The following DPP6 variants were observed in gnomAD, a reference collection of about 807,000 sequenced individuals.
The protein encoded by DPP6 is dipeptidyl peptidase like 6, also known as A-type potassium channel modulatory protein DPP6.
Under a neutral mutation model 122.6 loss-of-function variants are expected in DPP6, and 69 were observed. The ratio of observed to expected loss-of-function variants is 0.56; its 90% confidence interval spans 0.46 to 0.69. DPP6 has a LOEUF of 0.69. DPP6 is among the 30% of genes least tolerant of loss of function. The pLI is 0.00. For missense variants in DPP6, 928 were observed against 1,116.9 expected (o/e 0.83, Z 2.41); for synonymous variants, 418 against 433.1 (o/e 0.97, Z 0.43).
At chr7:154,454,572 A>T (rs1329692778) in intron 2 of DPP6, among the ~76,000 whole-genome samples, 1 of 152,120 alleles carries the variant, frequency 6.6e-6, no homozygotes, top group Non-Finnish European at 1.5e-5. Context: ...GGGACAGAGG[A>T]CAGTCTGGCC....
At chr7:154,773,736 AT>A (rs993966420) in intron 10 of DPP6, among the ~76,000 whole-genome samples, 1 of 152,088 alleles carries the variant, frequency 6.6e-6, no homozygotes, top group Non-Finnish European at 1.5e-5. Flanking sequence ...CCCAACCCAT[AT>A]TTTGCTATAC....
chr7:154,408,101 A>G (rs1019180195), intron 1 of DPP6, among the ~76,000 whole-genome samples: 1 of 152,212 alleles, frequency 6.6e-6, no homozygotes, highest in Admixed American at 6.5e-5. Flanking sequence ...TAGGAAATTC[A>G]AATGTGGGAA....
chr7:154,226,494 C>T (rs1800611388), intron 1 of DPP6, among the ~76,000 whole-genome samples: 1 of 152,170 alleles, frequency 6.6e-6, no homozygotes. Context: ...CTCCAAGACA[C>T]AGGGATTCTT....
At chr7:154,508,907 A>G (rs927023921) in intron 3 of DPP6, among the ~76,000 whole-genome samples, 2 of 152,190 alleles carry the variant, frequency 1.3e-5, no homozygotes, top group African/African-American at 2.4e-5. Flanking sequence ...TTTACAAATA[A>G]TTCTGGACAA....
At position 154,486,314 on chromosome 7, in the gene DPP6, A is replaced by G. The variant is rs1488943906; in HGVS notation, c.457+11277A>G. 5.4e-4 allele frequency among the ~76,000 whole-genome samples: 82 copies of G among 151,954 alleles called. 1 individual carries two copies. Among genetic ancestry groups the G allele is most frequent in the Admixed American group, 5.4e-3 (82 of 15,248 alleles). On this transcript the variant is annotated intron_variant, in intron 3 of 25. Coordinates refer to ENST00000377770, the MANE Select transcript of DPP6 (RefSeq NM_130797.4). The surrounding 1 kb of genome is among the most constrained non-coding windows in gnomAD (Gnocchi z 4.5). ...ACGCCCAGCTAATTTTTGTATTTTT[A>G]GAAGAGACAGGGTTGCACCATGTTG...
the DPP6 span, among the ~76,000 whole-genome samples, chr7:153,824,532 T>C: frequency 1.3e-5 from 2 of 151,214 alleles, no homozygotes; most frequent in South Asian, 4.2e-4. Context: ...ACTAAAAATA[T>C]AAAAATTAAC....
At chr7:153,843,982 G>A in the DPP6 span, among the ~76,000 whole-genome samples, 3 of 152,014 alleles carry the variant, frequency 2.0e-5, no homozygotes, top group Non-Finnish European at 4.4e-5. Flanking sequence ...ATGGACAGGT[G>A]CCCCCCATGC....
intron 1 of DPP6, chr7:154,056,023 A>C (rs1416557173): frequency 6.6e-6 from 1 of 152,232 alleles, no homozygotes; most frequent in Admixed American, 6.5e-5. Context: ...GCCACAACCC[A>C]AATAAAATTT....
At chr7:153,897,120 T>C (rs1799447391) in intron 1 of DPP6, among the ~76,000 whole-genome samples, 2 of 152,234 alleles carry the variant, frequency 1.3e-5, no homozygotes, top group African/African-American at 4.8e-5. Context: ...AACAACCCAT[T>C]GTGTTGGAAA....
chr7:154,183,512 T>G (rs1037350356), intron 1 of DPP6, among the ~76,000 whole-genome samples: 7 of 151,932 alleles, frequency 4.6e-5, no homozygotes, highest in Admixed American at 1.3e-4. Flanking sequence ...CCTCGGGGAG[T>G]GGTTCTTCCG....
At chr7:153,916,159 G>T (rs1174485874) in intron 1 of DPP6, among the ~76,000 whole-genome samples, 1 of 151,460 alleles carries the variant, frequency 6.6e-6, no homozygotes, top group South Asian at 2.1e-4. Flanking sequence ...ATTTTTAGTA[G>T]AGATGGGGTT....
At chr7:153,976,674 A>T (rs1467744150) in intron 1 of DPP6, among the ~76,000 whole-genome samples, 1 of 152,274 alleles carries the variant, frequency 6.6e-6, no homozygotes, top group Non-Finnish European at 1.5e-5. Context: ...AAGAAGGAAG[A>T]AAATGAATAT....
chr7:154,269,055 T>A (rs1230866094), intron 1 of DPP6, among the ~76,000 whole-genome samples: 2 of 151,312 alleles, frequency 1.3e-5, no homozygotes, highest in Non-Finnish European at 2.9e-5. Context: ...GTATATGTTT[T>A]TTTTTCAATC....
chr7:154,794,246 G>C (rs768521241), intron 11 of DPP6, 44 bp downstream of exon 11: 10 of 1,543,160 alleles, frequency 6.5e-6, no homozygotes, highest in Admixed American at 1.8e-5. Flanking sequence ...GTGAAGAACC[G>C]ATGGTCAGAC....
intron 1 of DPP6, among the ~76,000 whole-genome samples, chr7:154,189,707 TTGAG>T (rs1798520878): frequency 6.6e-6 from 1 of 152,216 alleles, no homozygotes; most frequent in African/African-American, 2.4e-5. Flanking sequence ...GTCTCTGGGG[TTGAG>T]ACCAGCGAGG....
At chr7:154,560,935 C>G (rs1470707246) in intron 4 of DPP6, among the ~76,000 whole-genome samples, 2 of 150,834 alleles carry the variant, frequency 1.3e-5, no homozygotes. Context: ...CATCCAAACC[C>G]TAGTCAATGA....
intron 5 of DPP6, among the ~76,000 whole-genome samples, chr7:154,593,089 T>C (rs1832899856): frequency 6.6e-6 from 1 of 152,174 alleles, no homozygotes; most frequent in African/African-American, 2.4e-5. Context: ...GGCCCCACGT[T>C]AATTGTGTAA....
At chr7:154,584,367 G>A (rs766009979) in intron 5 of DPP6, among the ~76,000 whole-genome samples, 4 of 152,176 alleles carry the variant, frequency 2.6e-5, no homozygotes, top group Admixed American at 6.5e-5. Flanking sequence ...TCCCATACCC[G>A]TGCACACCCA....
chr7:154,212,853 T>C, intron 1 of DPP6, among the ~76,000 whole-genome samples: 1 of 152,120 alleles, frequency 6.6e-6, no homozygotes, highest in African/African-American at 2.4e-5. Flanking sequence ...ACAGGTGGGG[T>C]ACTAGCTCGG....
Sources: allele counts gnomAD v4.1 joint callset (sites outside exome capture counted in the v4.1 genomes callset), GRCh38; gene constraint gnomAD v4.1.1; non-coding constraint Gnocchi (gnomAD v3.1); transcripts MANE v1.5; gene names NCBI Gene and HGNC (gene_info 2026-07-23, HGNC 2026-07-21).